The following RGS17 variants were observed in gnomAD, a reference collection of about 807,000 sequenced individuals.
The protein encoded by RGS17 is regulator of G protein signaling 17.
A neutral mutation model predicts 25.5 loss-of-function variants in RGS17; 12 were observed. The observed-to-expected ratio is 0.47, with a 90% CI of 0.30 to 0.76. The LOEUF is 0.76. Ranked by LOEUF, RGS17 falls within the 30% of genes least tolerant of loss-of-function variation. The pLI is 0.07. For synonymous variants in RGS17, 71 were observed against 76.9 expected (o/e 0.92, Z 0.40); for missense variants, 196 against 242.2 (o/e 0.81, Z 1.27).
intron 4 of RGS17, among the ~76,000 whole-genome samples, chr6:153,012,217 CCA>C (rs752663434): frequency 2.0e-5 from 3 of 152,108 alleles, no homozygotes; most frequent in Non-Finnish European, 4.4e-5. Context: ...TGCCAACTCC[CCA>C]CAGTTTTGTA....
At chr6:153,074,311 GTGCT>G (rs4034231) in intron 1 of RGS17, among the ~76,000 whole-genome samples, 133,836 of 151,916 alleles carry the variant, frequency 0.88, 59,117 homozygotes, top group African/African-American at 0.94. Context: ...ACAGCCAGCA[GTGCT>G]TGCTCTGTTG....
At chr6:153,062,468 C>G (rs551787835) in intron 1 of RGS17, among the ~76,000 whole-genome samples, 1 of 152,288 alleles carries the variant, frequency 6.6e-6, no homozygotes, top group East Asian at 1.9e-4. Context: ...AATCACTACT[C>G]CCAGAGGCTG....
intron 1 of RGS17, among the ~76,000 whole-genome samples, chr6:153,067,635 A>G (rs945331895): frequency 3.3e-5 from 5 of 152,200 alleles, no homozygotes; most frequent in Non-Finnish European, 7.3e-5. Flanking sequence ...GAAAATCATA[A>G]AACACTGATG....
At chr6:153,122,215 T>G (rs1022064954) in intron 1 of RGS17, among the ~76,000 whole-genome samples, 10 of 152,134 alleles carry the variant, frequency 6.6e-5, no homozygotes, top group African/African-American at 2.2e-4. Context: ...TATGATTACG[T>G]AGGCACCATA....
intron 1 of RGS17, among the ~76,000 whole-genome samples, chr6:153,055,252 G>A (rs1028334206): frequency 7.2e-5 from 11 of 152,070 alleles, no homozygotes; most frequent in African/African-American, 1.9e-4. Context: ...AGTAAATACA[G>A]AAGGGAAAAA....
intron 3 of RGS17, among the ~76,000 whole-genome samples, chr6:153,025,275 G>T (rs901847250): frequency 4.0e-5 from 6 of 151,618 alleles, no homozygotes; most frequent in Non-Finnish European, 7.4e-5. Context: ...CCATCCCATT[G>T]CACTCCTGGC....
At chr6:153,014,113 C>T (rs1779159616) in intron 4 of RGS17, among the ~76,000 whole-genome samples, 1 of 152,172 alleles carries the variant, frequency 6.6e-6, no homozygotes, top group African/African-American at 2.4e-5. Flanking sequence ...CAAGGACAGG[C>T]TGACTCTGCT....
chr6:153,120,379 G>A (rs1228240927), intron 1 of RGS17, among the ~76,000 whole-genome samples: 1 of 152,120 alleles, frequency 6.6e-6, no homozygotes, highest in Non-Finnish European at 1.5e-5. Flanking sequence ...AGGCTAAAAT[G>A]CTCCCTGACA....
intron 1 of RGS17, among the ~76,000 whole-genome samples, chr6:153,114,666 C>T (rs146291514): frequency 0.01 from 1,550 of 152,160 alleles, 15 homozygotes; most frequent in South Asian, 0.023. Context: ...TGAACATCGA[C>T]GCGAAAATCC....
Position 153,049,546 on chromosome 6 carries a change from T to C in RGS17, c.-25-5503A>G, listed in dbSNP as rs1776434172. Among the ~76,000 whole-genome samples, 3 of 152,122 alleles carry C rather than the reference T, an allele frequency of 2.0e-5. No individual in the cohort carries two copies. In the South Asian group the frequency reaches 6.2e-4, roughly 32 times the overall value. ...GCGGGTGGATCACGAGGTCAGGAGA[T>C]CGAGACCATCCTGGCTAACATGGTG... On this transcript the variant is annotated intron_variant, in intron 1 of 4. Transcript: ENST00000206262.
chr6:153,072,036 T>C (rs1752259608), intron 1 of RGS17, among the ~76,000 whole-genome samples: 1 of 152,174 alleles, frequency 6.6e-6, no homozygotes, highest in Admixed American at 6.6e-5. Context: ...CTTATTTTTA[T>C]ACTTTTGTAC....
intron 1 of RGS17, among the ~76,000 whole-genome samples, chr6:153,046,198 G>T (rs1265832804): frequency 1.4e-5 from 2 of 147,652 alleles, no homozygotes; most frequent in Non-Finnish European, 3.0e-5. Context: ...GGAAGGGTAG[G>T]AGTAAGGGAG....
intron 1 of RGS17, among the ~76,000 whole-genome samples, chr6:153,107,967 T>C (rs916127838): frequency 6.6e-6 from 1 of 152,150 alleles, no homozygotes; most frequent in Non-Finnish European, 1.5e-5. Context: ...AAATCACAGG[T>C]AAAAGGGGAG....
At chr6:153,100,021 G>A (rs746537789) in intron 1 of RGS17, among the ~76,000 whole-genome samples, 9 of 152,114 alleles carry the variant, frequency 5.9e-5, no homozygotes, top group Non-Finnish European at 1.2e-4. Flanking sequence ...TGATAGGGCA[G>A]AAAGGGAAAT....
At chr6:153,119,016 G>A (rs372523462) in intron 1 of RGS17, among the ~76,000 whole-genome samples, 1 of 152,052 alleles carries the variant, frequency 6.6e-6, no homozygotes, top group Admixed American at 6.5e-5. Context: ...ATGTATACAT[G>A]TATGTATGCA....
intron 1 of RGS17, among the ~76,000 whole-genome samples, chr6:153,062,023 TA>T (rs1776645794): frequency 6.6e-6 from 1 of 152,104 alleles, no homozygotes; most frequent in Admixed American, 6.6e-5. Context: ...CTACTCAAGG[TA>T]AAAATTTGTT....
At chr6:153,128,535 A>G (rs2119992) in intron 1 of RGS17, among the ~76,000 whole-genome samples, 1 of 151,908 alleles carries the variant, frequency 6.6e-6, no homozygotes, top group Admixed American at 6.6e-5. Flanking sequence ...AAAAGGTAAA[A>G]TCTTTCTTAG....
chr6:153,079,457 A>G (rs985776588), intron 1 of RGS17, among the ~76,000 whole-genome samples: 8 of 152,258 alleles, frequency 5.3e-5, no homozygotes, highest in African/African-American at 1.9e-4. Flanking sequence ...TTGATTTGTC[A>G]TAAATGCTAA....
At chr6:153,109,903 A>G (rs779777204) in intron 1 of RGS17, among the ~76,000 whole-genome samples, 2 of 152,382 alleles carry the variant, frequency 1.3e-5, no homozygotes, top group Non-Finnish European at 2.9e-5. Context: ...TGCCTGAATA[A>G]TCAAAATTTC....
Sources: gnomAD v4.1 joint callset for allele counts (sites outside exome capture counted in the v4.1 genomes callset) on GRCh38, gnomAD v4.1.1 for gene constraint, MANE v1.5 for transcripts, NCBI Gene and HGNC (gene_info 2026-07-23, HGNC 2026-07-21) for gene names.